The following NDP variants were observed in gnomAD, a reference collection of about 807,000 sequenced individuals.
The protein encoded by NDP is norrin.
A neutral mutation model predicts 8.4 loss-of-function variants in NDP; 2 were observed. The observed-to-expected ratio is 0.24, with a 90% CI of 0.10 to 0.75. The LOEUF (loss-of-function observed/expected upper bound fraction) is 0.75, where lower values mean the gene tolerates loss of function less well. Among genes scored for constraint, NDP ranks in the 30% least tolerant of loss-of-function variants. NDP has a pLI of 0.73. For synonymous variants in NDP, 55 were observed against 45.6 expected, an observed-to-expected ratio of 1.21 and a Z score of -0.83; for missense variants, 81 against 110.1, an observed-to-expected ratio of 0.74 and a Z score of 1.18.
chrX:43,950,709 C>T (rs189128759), intron 2 of NDP, among the ~76,000 whole-genome samples: 1 of 111,283 alleles, frequency 9.0e-6, no homozygotes, highest in East Asian at 2.8e-4. Flanking sequence ...GAGTCATTTG[C>T]GGCAAATATT....
chrX:43,956,605 A>G (rs947499107), intron 2 of NDP, among the ~76,000 whole-genome samples: 1 of 112,000 alleles, frequency 8.9e-6, no homozygotes, highest in Non-Finnish European at 1.9e-5. Context: ...TCTAACCTAG[A>G]AAAGGTCTGG....
At chrX:43,951,365 T>C (rs906468658) in intron 2 of NDP, among the ~76,000 whole-genome samples, 7 of 110,914 alleles carry the variant, frequency 6.3e-5, no homozygotes, top group African/African-American at 2.3e-4. Context: ...CAGGAAGCTA[T>C]GATCAAGCCA....
chrX:43,959,495 C>T (rs144883951), intron 1 of NDP, among the ~76,000 whole-genome samples: 2,532 of 112,342 alleles, frequency 0.023, 71 homozygotes, highest in African/African-American at 0.077. Flanking sequence ...GTATCACACG[C>T]GTATTTGCCA....
At chrX:43,957,319 T>C (rs746874292) in intron 2 of NDP, among the ~76,000 whole-genome samples, 1 of 92,246 alleles carries the variant, frequency 1.1e-5, no homozygotes, top group Non-Finnish European at 2.2e-5. Flanking sequence ...CAAAAATTTA[T>C]GTTCATCTAT....
chrX:43,965,445 C>CAAT (rs1254626494), intron 1 of NDP, among the ~76,000 whole-genome samples: 3 of 110,183 alleles, frequency 2.7e-5, no homozygotes, highest in African/African-American at 9.9e-5. Context: ...ACAGTAATAT[C>CAAT]AATAATAATA....
At chrX:43,970,493 ACCCTGGTGATG>A (rs2035885523) in intron 1 of NDP, among the ~76,000 whole-genome samples, 1 of 110,917 alleles carries the variant, frequency 9.0e-6, no homozygotes, top group Non-Finnish European at 1.9e-5. Context: ...CAAGTCAAGG[ACCCTGGTGATG>A]CTGTTTTCAG....
chrX:43,971,870 T>G (rs1256586379), intron 1 of NDP, among the ~76,000 whole-genome samples: 9 of 112,014 alleles, frequency 8.0e-5, no homozygotes, highest in Non-Finnish European at 1.7e-4. Context: ...ATAAACTGTG[T>G]ACCAATTTGC....
In NDP at chrX:43,954,101, G is replaced by T. The variant is rs188370377; in HGVS notation, c.175-4075C>A. ...AGTGGAAAAGTATTTTGCCTTTTTC[G>T]CAGCAGTGAACACTATGCACCCTTA... is the stretch of plus-strand genomic sequence containing the variant. On this transcript the variant is annotated intron_variant, in intron 2 of 2. Coordinates refer to ENST00000642620, the MANE Select transcript of NDP (RefSeq NM_000266.4). 3.6e-5 allele frequency among the ~76,000 whole-genome samples: 4 copies of T among 112,062 alleles called. No individual in the cohort carries two copies. The East Asian group carries it at 1.1e-3, about 31-fold the overall frequency.
chrX:43,956,452 A>C lies in NDP; in HGVS notation c.174+2020T>G, dbSNP rs910267028. Among the ~76,000 whole-genome samples, 3 of 112,095 alleles carry C rather than the reference A, an allele frequency of 2.7e-5. No individual in the cohort carries two copies. In the Admixed American group the frequency reaches 2.8e-4, roughly 11 times the overall value. On this transcript the variant is annotated intron_variant, in intron 2 of 2. Coordinates refer to ENST00000642620, the MANE Select transcript of NDP (RefSeq NM_000266.4). ...TGCCTCTTTTCTAGACATAGGCTAA[A>C]TGTTTTATCCAAGTCTCTAAAGGCA...
At chrX:43,955,914 T>C (rs927864766) in intron 2 of NDP, among the ~76,000 whole-genome samples, 34 of 112,203 alleles carry the variant, frequency 3.0e-4, no homozygotes, top group African/African-American at 1.1e-3. Context: ...GAGTATAAAT[T>C]ATTACTGCCA....
chrX:43,961,883 A>G (rs1205031028), intron 1 of NDP, among the ~76,000 whole-genome samples: 1 of 111,870 alleles, frequency 8.9e-6, no homozygotes, highest in Non-Finnish European at 1.9e-5. Flanking sequence ...TAGTAGCACC[A>G]TCCTGAATTG....
intron 1 of NDP, among the ~76,000 whole-genome samples, chrX:43,972,596 G>A (rs2035897051): frequency 2.7e-5 from 3 of 110,950 alleles, no homozygotes; most frequent in Admixed American, 9.6e-5. Flanking sequence ...TAAGTCCAAG[G>A]CAAACAGCAT....
chrX:43,955,699 T>A (rs2035788982), intron 2 of NDP, among the ~76,000 whole-genome samples: 1 of 112,241 alleles, frequency 8.9e-6, no homozygotes, highest in South Asian at 3.7e-4. Context: ...CACATCCTAA[T>A]CTGTGGCCAC....
chrX:43,961,087 C>T (rs1313005072), intron 1 of NDP, among the ~76,000 whole-genome samples: 3 of 112,425 alleles, frequency 2.7e-5, no homozygotes, highest in Non-Finnish European at 5.6e-5. Flanking sequence ...ATAAAAGTCT[C>T]ATTTAAGAGA....
At position 43,949,785 on chromosome X, in the gene NDP, C is replaced by T. The variant is rs73475744; in HGVS notation, c.*14G>A. ...ACAGTTGTCCCATCCAGAAGCCACA[C>T]ACAGCAGCGGGCCTCAGGAATTGCA... is the stretch of plus-strand genomic sequence containing the variant. On this transcript the variant is annotated 3_prime_UTR_variant, in exon 3 of 3. Coordinates refer to ENST00000642620, the MANE Select transcript of NDP (RefSeq NM_000266.4). 3,063 of 1,162,669 alleles carry T rather than the reference C, an allele frequency of 2.6e-3. 48 individuals are homozygous for T. In the African/African-American group the frequency reaches 0.049, roughly 19 times the overall value.
At chrX:43,953,403 G>A (rs1047849023) in intron 2 of NDP, 4 of 111,857 alleles carry the variant, frequency 3.6e-5, no homozygotes, top group African/African-American at 1.3e-4. Context: ...TTGTTAAAAG[G>A]CAAGTTCTGA....
At chrX:43,959,104 G>A (rs1280207127) in intron 1 of NDP, among the ~76,000 whole-genome samples, 1 of 111,925 alleles carries the variant, frequency 8.9e-6, no homozygotes, top group Non-Finnish European at 1.9e-5. Flanking sequence ...TGAAGTCCAT[G>A]TTCCTAGGGC....
At chrX:43,951,916 T>G (rs2035765618) in intron 2 of NDP, among the ~76,000 whole-genome samples, 1 of 112,583 alleles carries the variant, frequency 8.9e-6, no homozygotes, top group Non-Finnish European at 1.9e-5. Flanking sequence ...TTAAAGCTTT[T>G]GATTCTATCC....
rs911010422 is a variant in NDP at position 43,969,072 on chromosome X, C to T, written c.-208+4232G>A. On this transcript the variant is annotated intron_variant, in intron 1 of 2. Transcript: ENST00000642620. ...TGTCACAGGGAGGTTTACATTGAGG[C>T]TCTTAAATGGGAATCTCTAATTGAG... Among the ~76,000 whole-genome samples, 3 of 111,587 alleles carry T rather than the reference C, an allele frequency of 2.7e-5. No individual in the cohort carries two copies. In the South Asian group the frequency reaches 1.1e-3, roughly 43 times the overall value.
Sources: gnomAD v4.1 joint callset for allele counts (sites outside exome capture counted in the v4.1 genomes callset) on GRCh38, gnomAD v4.1.1 for gene constraint, MANE v1.5 for transcripts, NCBI Gene and HGNC (gene_info 2026-07-23, HGNC 2026-07-21) for gene names.